Variants in UBE2E2 observed in about 807,000 individuals in gnomAD.
UBE2E2 encodes the protein ubiquitin conjugating enzyme E2 E2.
UBE2E2 carries 6 observed loss-of-function variants against 24.7 expected under a neutral mutation model. That is an observed-to-expected ratio of 0.24 (90% confidence interval 0.13 to 0.48). The LOEUF is 0.48. Among genes scored for constraint, UBE2E2 ranks in the 20% least tolerant of loss-of-function variants. The pLI, the probability that UBE2E2 is intolerant of heterozygous loss-of-function variation, is 0.99. For missense variants in UBE2E2, 169 were observed against 245.0 expected (o/e 0.69, Z 2.07); for synonymous variants, 104 against 83.6 (o/e 1.24, Z -1.33).
intron 3 of UBE2E2, among the ~76,000 whole-genome samples, chr3:23,274,671 A>G (rs937203878): frequency 5.9e-5 from 9 of 152,086 alleles, no homozygotes; most frequent in African/African-American, 2.2e-4. Flanking sequence ...CCAGCCTAAG[A>G]AACTGATTTT....
intron 3 of UBE2E2, among the ~76,000 whole-genome samples, chr3:23,350,118 G>A (rs995636153): frequency 1.6e-4 from 25 of 152,184 alleles, no homozygotes; most frequent in African/African-American, 5.8e-4. Flanking sequence ...TGATACCCAG[G>A]CAAACAGGGT....
chr3:23,475,507 C>T (rs1350915075), intron 3 of UBE2E2, among the ~76,000 whole-genome samples: 1 of 152,020 alleles, frequency 6.6e-6, no homozygotes, highest in African/African-American at 2.4e-5. Flanking sequence ...TCCTCAATCT[C>T]AGCTATATCC....
intron 3 of UBE2E2, among the ~76,000 whole-genome samples, chr3:23,364,944 C>T (rs185725593): frequency 5.9e-4 from 90 of 152,220 alleles, no homozygotes; most frequent in Non-Finnish European, 1.1e-3. Context: ...AGCTTTATTC[C>T]TGGGATGCAA....
chr3:23,288,973 A>G (rs540072803), intron 3 of UBE2E2, among the ~76,000 whole-genome samples: 6 of 152,298 alleles, frequency 3.9e-5, no homozygotes, highest in South Asian at 2.1e-4. Context: ...AGACTGTCCT[A>G]CCCTCTTCAG....
At chr3:23,242,840 A>G (rs1404329632) in intron 3 of UBE2E2, among the ~76,000 whole-genome samples, 1 of 152,108 alleles carries the variant, frequency 6.6e-6, no homozygotes, top group Admixed American at 6.6e-5. Flanking sequence ...AATCCCTGCC[A>G]TTTGGGAGGC....
intron 3 of UBE2E2, among the ~76,000 whole-genome samples, chr3:23,393,406 T>G (rs1043662181): frequency 6.6e-6 from 1 of 152,204 alleles, no homozygotes; most frequent in Non-Finnish European, 1.5e-5. Context: ...GCAGTGATTC[T>G]CAAGATGTGG....
At chr3:23,489,508 G>T (rs1699451370) in intron 3 of UBE2E2, among the ~76,000 whole-genome samples, 2 of 152,140 alleles carry the variant, frequency 1.3e-5, no homozygotes, top group South Asian at 2.1e-4. Flanking sequence ...CATACAGCTG[G>T]TATAGAAAAG....
intron 5 of UBE2E2, among the ~76,000 whole-genome samples, chr3:23,579,633 G>C (rs958159614): frequency 6.6e-6 from 1 of 151,284 alleles, no homozygotes; most frequent in African/African-American, 2.4e-5. Context: ...CCAGGATCGC[G>C]AAGTTACAGT....
At chr3:23,302,721 A>G (rs955849787) in intron 3 of UBE2E2, among the ~76,000 whole-genome samples, 4 of 152,212 alleles carry the variant, frequency 2.6e-5, no homozygotes, top group East Asian at 1.9e-4. Context: ...TTAATTTCCT[A>G]TATACAGCTT....
At chr3:23,503,344 C>A (rs1205042484) in intron 4 of UBE2E2, among the ~76,000 whole-genome samples, 3 of 150,966 alleles carry the variant, frequency 2.0e-5, no homozygotes, top group African/African-American at 7.4e-5. Context: ...CACCTGCCAC[C>A]ACACTCGGCC....
At chr3:23,514,187 T>C (rs1694676068) in intron 4 of UBE2E2, among the ~76,000 whole-genome samples, 1 of 152,220 alleles carries the variant, frequency 6.6e-6, no homozygotes, top group South Asian at 2.1e-4. Flanking sequence ...CAATACCTTC[T>C]CATTGTTCAG....
At chr3:23,234,138 T>C (rs1206129143) in intron 3 of UBE2E2, among the ~76,000 whole-genome samples, 1 of 151,948 alleles carries the variant, frequency 6.6e-6, no homozygotes, top group Non-Finnish European at 1.5e-5. Context: ...AACTGGTTGC[T>C]GACAAAATCT....
intron 3 of UBE2E2, among the ~76,000 whole-genome samples, chr3:23,267,919 G>A (rs6799167): frequency 0.39 from 57,694 of 149,626 alleles, 11,323 homozygotes; most frequent in Admixed American, 0.52. Flanking sequence ...ATCAATAAAC[G>A]TAATCCAGCA....
At chr3:23,252,249 G>T (rs1697594569) in intron 3 of UBE2E2, among the ~76,000 whole-genome samples, 2 of 152,116 alleles carry the variant, frequency 1.3e-5, no homozygotes, top group South Asian at 4.1e-4. Context: ...CATAAAAGTT[G>T]TTGCATCTAT....
chr3:23,207,196 G>GATGT lies in UBE2E2; in HGVS notation c.-8-1493_-8-1490dup, dbSNP rs529395371. Among the ~76,000 whole-genome samples, 20 of 152,258 alleles carry GATGT rather than the reference G, an allele frequency of 1.3e-4. No homozygotes were observed. The East Asian group carries it at 3.9e-3, about 29-fold the overall frequency. ...ACTTTAAGCTAGTCAGCTCATAAGG[G>GATGT]ATGTATTCATAGTCATCAAACTCAG... On this transcript the variant is annotated intron_variant, in intron 1 of 5. Coordinates refer to ENST00000396703, the MANE Select transcript of UBE2E2 (RefSeq NM_152653.4).
chr3:23,265,496 G>A (rs972394628), intron 3 of UBE2E2, among the ~76,000 whole-genome samples: 1 of 151,976 alleles, frequency 6.6e-6, no homozygotes, highest in African/African-American at 2.4e-5. Flanking sequence ...GGGACTAGGG[G>A]TAAAACATGG....
intron 3 of UBE2E2, among the ~76,000 whole-genome samples, chr3:23,399,950 C>T (rs1251912321): frequency 6.6e-6 from 1 of 152,160 alleles, no homozygotes; most frequent in East Asian, 1.9e-4. Context: ...GTGCTCCTTA[C>T]TACTACGCAG....
chr3:23,467,090 G>A (rs1698935494), intron 3 of UBE2E2, among the ~76,000 whole-genome samples: 1 of 152,100 alleles, frequency 6.6e-6, no homozygotes, highest in Admixed American at 6.5e-5. Context: ...TATTTATTTA[G>A]GAAGTAAAGT....
chr3:23,229,156 T>C (rs1421835667), intron 3 of UBE2E2, among the ~76,000 whole-genome samples: 2 of 152,224 alleles, frequency 1.3e-5, no homozygotes, highest in Admixed American at 6.5e-5. Flanking sequence ...TTAGTAAATA[T>C]AATTAATTAT....
Sources: allele counts gnomAD v4.1 joint callset (sites outside exome capture counted in the v4.1 genomes callset), GRCh38; gene constraint gnomAD v4.1.1; transcripts MANE v1.5; gene names NCBI Gene and HGNC (gene_info 2026-07-23, HGNC 2026-07-21).